The following FBXO21 variants were observed in gnomAD, a reference collection of about 807,000 sequenced individuals.
FBXO21 encodes F-box protein 21, also known as F-box only protein 21.
In FBXO21, 32 loss-of-function variants were observed where a neutral mutation model predicts 76.6. That is an observed-to-expected ratio of 0.42 (90% CI 0.32 to 0.56). FBXO21 has a LOEUF of 0.56. FBXO21 is among the 20% of genes least tolerant of loss of function. FBXO21 has a pLI of 0.16. For missense variants in FBXO21, 586 were observed against 797.3 expected, an observed-to-expected ratio of 0.73 and a Z score of 3.19; for synonymous variants, 328 against 311.5, an observed-to-expected ratio of 1.05 and a Z score of -0.56.
At chr12:117,180,911 A>G (rs1956222192) in intron 3 of FBXO21, among the ~76,000 whole-genome samples, 1 of 151,976 alleles carries the variant, frequency 6.6e-6, no homozygotes, top group African/African-American at 2.4e-5. Flanking sequence ...GGGATTACTC[A>G]TCACTTTTAT....
intron 10 of FBXO21, 135 bp downstream of exon 10, chr12:117,157,722 AGCTTTCTGTCTTCCCC>A (rs1955932595): frequency 7.6e-6 from 4 of 529,188 alleles, no homozygotes; most frequent in Non-Finnish European, 1.2e-5. Flanking sequence ...AAAGAGGTTC[AGCTTTCTGTCTTCCCC>A]GCGGTGCGCA....
At chr12:117,184,703 G>A (rs988819653) in intron 3 of FBXO21, among the ~76,000 whole-genome samples, 2 of 152,122 alleles carry the variant, frequency 1.3e-5, no homozygotes, top group African/African-American at 4.8e-5. Context: ...CCAAGATCAC[G>A]CCATTGCACT....
chr12:117,156,303 T>A (rs778205412), intron 10 of FBXO21, among the ~76,000 whole-genome samples: 4 of 152,036 alleles, frequency 2.6e-5, no homozygotes, highest in Non-Finnish European at 5.9e-5. Context: ...TGACTCAAGA[T>A]AGGGAAGGTT....
intron 2 of FBXO21, among the ~76,000 whole-genome samples, chr12:117,187,312 C>T (rs149655299): frequency 0.014 from 1,978 of 137,068 alleles, 32 homozygotes; most frequent in African/African-American, 0.05. Context: ...CCCAGCTACT[C>T]GGGAGGCTGA....
At chr12:117,168,731 C>A (rs1956086873) in intron 7 of FBXO21, among the ~76,000 whole-genome samples, 1 of 152,048 alleles carries the variant, frequency 6.6e-6, no homozygotes. Flanking sequence ...ATGAGTAAAT[C>A]AAATGCAGCA....
intron 7 of FBXO21, among the ~76,000 whole-genome samples, chr12:117,168,523 C>CA (rs1956083844): frequency 6.8e-6 from 1 of 146,222 alleles, no homozygotes; most frequent in African/African-American, 2.5e-5. Context: ...GACTCCATCT[C>CA]AAAAAAATAA....
At chr12:117,181,579 C>G (rs1009597169) in intron 3 of FBXO21, among the ~76,000 whole-genome samples, 34 of 113,964 alleles carry the variant, frequency 3.0e-4, no homozygotes, top group Admixed American at 6.9e-4. Flanking sequence ...ATCGATCGAT[C>G]GATCTATCTA....
chr12:117,185,597 C>T (rs1184152050), intron 3 of FBXO21, among the ~76,000 whole-genome samples: 2 of 152,126 alleles, frequency 1.3e-5, no homozygotes, highest in Non-Finnish European at 1.5e-5. Context: ...TAAGCAATAA[C>T]CAAGACATAA....
chr12:117,147,698 C>T (rs1303956020), intron 11 of FBXO21, among the ~76,000 whole-genome samples: 1 of 152,162 alleles, frequency 6.6e-6, no homozygotes, highest in African/African-American at 2.4e-5. Context: ...CTCCACAGGG[C>T]CAGTTAAAGG....
chr12:117,154,771 T>G (rs1363684189), intron 11 of FBXO21, among the ~76,000 whole-genome samples: 1 of 152,200 alleles, frequency 6.6e-6, no homozygotes, highest in Admixed American at 6.5e-5. Context: ...ATCTCCAGCC[T>G]TTCAGAAAGT....
At chr12:117,174,150 A>C in intron 6 of FBXO21, 55 bp downstream of exon 6, 1 of 1,454,544 alleles carries the variant, frequency 6.9e-7, no homozygotes, top group Non-Finnish European at 9.6e-7. Flanking sequence ...AAACAGAAAA[A>C]AAAAGTTACT....
At chr12:117,156,061 A>T in intron 10 of FBXO21, 113 bp from the exon 11 acceptor site, 1 of 975,202 alleles carries the variant, frequency 1.0e-6, no homozygotes, top group South Asian at 1.4e-5. Flanking sequence ...CTCCACGGTG[A>T]ATCATTTTTC....
chr12:117,165,465 C>A lies in FBXO21; in HGVS notation c.1326+20G>T, dbSNP rs1408809139. On this transcript the variant is annotated intron_variant, in intron 9 of 11. Transcript: ENST00000622495. ...TTCCCTTTCTAAGGCAAGTGCAAAG[C>A]ATCAAAGTAAAATAATTACCTTCTC... The A allele has an allele frequency of 1.9e-6, 3 of 1,610,536 alleles. No individual in the cohort carries two copies. Among genetic ancestry groups the A allele is most frequent in the Non-Finnish European group, 2.5e-6 (3 of 1,178,366 alleles).
At chr12:117,165,340 A>G (rs1481877070) in intron 9 of FBXO21, 145 bp downstream of exon 9, 2 of 843,942 alleles carry the variant, frequency 2.4e-6, no homozygotes, top group African/African-American at 1.7e-5. Flanking sequence ...GTAAAAAAAA[A>G]TCTACCAATG....
At chr12:117,165,346 C>A in intron 9 of FBXO21, 139 bp downstream of exon 9, 3 of 872,500 alleles carry the variant, frequency 3.4e-6, no homozygotes, top group Admixed American at 2.4e-5. Flanking sequence ...AAAAATCTAC[C>A]AATGGGTTAT....
chr12:117,155,752 C>G (rs1267581721), intron 11 of FBXO21, 39 bp downstream of exon 11: 3 of 1,587,206 alleles, frequency 1.9e-6, no homozygotes, highest in South Asian at 2.3e-5. Context: ...TGAAAACACG[C>G]CCGCGGGGCC....
chr12:117,168,532 A>T (rs982628809), intron 7 of FBXO21, among the ~76,000 whole-genome samples: 2 of 151,346 alleles, frequency 1.3e-5, no homozygotes, highest in African/African-American at 4.9e-5. Flanking sequence ...TCAAAAAAAT[A>T]AAAAAAAATA....
chr12:117,167,788 T>C (rs539149400), intron 7 of FBXO21, among the ~76,000 whole-genome samples: 4 of 151,028 alleles, frequency 2.6e-5, no homozygotes, highest in African/African-American at 7.3e-5. Flanking sequence ...ACCAGAAGGA[T>C]TCGGCCATCA....
At chr12:117,174,112 G>C in intron 6 of FBXO21, 93 bp downstream of exon 6, 1 of 1,068,118 alleles carries the variant, frequency 9.4e-7, no homozygotes, top group East Asian at 2.4e-5. Flanking sequence ...ATTCCAGCCT[G>C]AGCAACAGAG....
Sources: allele counts gnomAD v4.1 joint callset (sites outside exome capture counted in the v4.1 genomes callset), GRCh38; gene constraint gnomAD v4.1.1; transcripts MANE v1.5; gene names NCBI Gene and HGNC (gene_info 2026-07-23, HGNC 2026-07-21).